The following ADAM23 variants were observed in gnomAD, a reference collection of about 807,000 sequenced individuals.
ADAM23 encodes ADAM metallopeptidase domain 23, also known as disintegrin and metalloproteinase domain-containing protein 23.
Under a neutral mutation model 120.1 loss-of-function variants are expected in ADAM23, and 33 were observed. That is an observed-to-expected ratio of 0.27 (90% CI 0.21 to 0.37). The LOEUF is 0.37. Ranked by LOEUF, ADAM23 falls within the 10% of genes least tolerant of loss-of-function variation. The pLI is 1.00. For missense variants in ADAM23, 862 were observed against 1,058.2 expected, an observed-to-expected ratio of 0.81 and a Z score of 2.57; for synonymous variants, 367 against 375.2, an observed-to-expected ratio of 0.98 and a Z score of 0.25.
At chr2:206,599,556 G>T (rs951377144) in intron 24 of ADAM23, among the ~76,000 whole-genome samples, 2 of 152,078 alleles carry the variant, frequency 1.3e-5, no homozygotes, top group African/African-American at 4.8e-5. Flanking sequence ...TTAAAACTCT[G>T]TTGTAGATTT....
chr2:206,527,030 T>C (rs759820655), intron 3 of ADAM23, among the ~76,000 whole-genome samples: 1 of 152,180 alleles, frequency 6.6e-6, no homozygotes, highest in Non-Finnish European at 1.5e-5. Flanking sequence ...CTTATAAAGG[T>C]CACTCCTCTT....
intron 25 of ADAM23, among the ~76,000 whole-genome samples, chr2:206,614,021 G>A (rs573531331): frequency 6.6e-5 from 10 of 152,142 alleles, no homozygotes; most frequent in Admixed American, 1.3e-4. Flanking sequence ...CAGTGATACC[G>A]TAACACCTCA....
chr2:206,542,359 G>A (rs572317601), intron 5 of ADAM23, among the ~76,000 whole-genome samples: 2 of 152,306 alleles, frequency 1.3e-5, no homozygotes, highest in Admixed American at 6.5e-5. Context: ...TCACCATTGT[G>A]TTAAGAGCTG....
intron 3 of ADAM23, among the ~76,000 whole-genome samples, chr2:206,490,556 G>A (rs1317685800): frequency 6.6e-6 from 1 of 152,174 alleles, no homozygotes; most frequent in Non-Finnish European, 1.5e-5. Context: ...TTAAGAGGCA[G>A]GTATCCCCAA....
intron 1 of ADAM23, among the ~76,000 whole-genome samples, chr2:206,444,419 G>A (rs561828616): frequency 2.0e-5 from 3 of 152,196 alleles, no homozygotes; most frequent in Non-Finnish European, 4.4e-5. Flanking sequence ...TGCTACTTGC[G>A]TGGTGGAACC....
chr2:206,599,921 G>A (rs1246936270), intron 24 of ADAM23, among the ~76,000 whole-genome samples: 1 of 152,196 alleles, frequency 6.6e-6, no homozygotes, highest in African/African-American at 2.4e-5. Context: ...GCATGTTGTG[G>A]CCGGGCACGG....
chr2:206,495,305 G>T (rs1696216865), intron 3 of ADAM23, among the ~76,000 whole-genome samples: 1 of 151,722 alleles, frequency 6.6e-6, no homozygotes, highest in Non-Finnish European at 1.5e-5. Flanking sequence ...TGATCTCTCG[G>T]CAGAAACTCT....
rs1157566210 is a variant in ADAM23 at position 206,541,920 on chromosome 2, GAGGAGTTTCT to G, written c.574-128_574-119del. On this transcript the variant is annotated intron_variant, in intron 4 of 25. Transcript: ENST00000264377. ...TAGTCTTATTTGCAACTTTATATAG[GAGGAGTTTCT>G]AGGGTTATTAATACAGTGCACATAT... is the stretch of plus-strand genomic sequence containing the variant. 4 of 846,330 alleles carry G rather than the reference GAGGAGTTTCT, an allele frequency of 4.7e-6. 1 individual carries two copies. In the Admixed American group the frequency reaches 7.4e-5, roughly 16 times the overall value. The allele number at this position is 846,330 out of a possible 1,614,324, so 52.4% of individuals were successfully genotyped here.
At chr2:206,605,166 C>A (rs1165199754) in intron 24 of ADAM23, among the ~76,000 whole-genome samples, 1 of 152,142 alleles carries the variant, frequency 6.6e-6, no homozygotes, top group East Asian at 1.9e-4. Context: ...TTCCCAGAGA[C>A]CCTAACTTTC....
At chr2:206,522,602 C>T (rs1441755157) in intron 3 of ADAM23, among the ~76,000 whole-genome samples, 2 of 152,138 alleles carry the variant, frequency 1.3e-5, no homozygotes, top group African/African-American at 4.8e-5. Flanking sequence ...CTTCTGTTCT[C>T]TGCAATTTCT....
chr2:206,554,801 A>G (rs1485456840), intron 9 of ADAM23, among the ~76,000 whole-genome samples: 1 of 152,190 alleles, frequency 6.6e-6, no homozygotes, highest in Non-Finnish European at 1.5e-5. Context: ...TACAGTTTCT[A>G]CTAAACCCTA....
intron 18 of ADAM23, 138 bp downstream of exon 18, chr2:206,573,333 T>G (rs777819014): frequency 1.3e-6 from 1 of 799,168 alleles, no homozygotes; most frequent in Non-Finnish European, 2.1e-6. Context: ...TAATGAGATA[T>G]CTTGGGGATG....
intron 4 of ADAM23, 43 bp downstream of exon 4, chr2:206,530,991 T>G: frequency 6.4e-7 from 1 of 1,564,056 alleles, no homozygotes; most frequent in Non-Finnish European, 8.8e-7. Flanking sequence ...ATAAGTGTGC[T>G]TATCATAGAG....
chr2:206,567,516 A>T (rs556906596), intron 15 of ADAM23, among the ~76,000 whole-genome samples, 194 bp downstream of exon 15: 1 of 152,318 alleles, frequency 6.6e-6, no homozygotes, highest in East Asian at 1.9e-4. Flanking sequence ...TAGATTCAGC[A>T]TTCTCAGTCT....
chr2:206,543,043 A>G (rs1016922596), intron 5 of ADAM23, among the ~76,000 whole-genome samples: 2 of 152,192 alleles, frequency 1.3e-5, no homozygotes, highest in African/African-American at 4.8e-5. Context: ...GTATACTTTT[A>G]TAATTTTTAT....
chr2:206,449,771 C>G (rs1476936319), intron 2 of ADAM23, among the ~76,000 whole-genome samples: 1 of 152,064 alleles, frequency 6.6e-6, no homozygotes, highest in Non-Finnish European at 1.5e-5. Context: ...AAAAAACAAA[C>G]AAACAAAAAA....
At position 206,560,122 on chromosome 2, in the gene ADAM23, C is replaced by T. The variant is rs369408305; in HGVS notation, c.1169+4C>T. ...CTGATGCTGTGCACCTCATCTCGTA[C>T]GTACTCATTTCAGCCTTTAGTGTAG... On this transcript the variant is annotated splice_donor_region_variant and intron_variant, in intron 11 of 25. Transcript: ENST00000264377. The T allele has an allele frequency of 1.9e-5, 31 of 1,611,480 alleles. 1 individual carries two copies. The highest frequency in any genetic ancestry group is 1.6e-4 in the Middle Eastern group (1 of 6,074).
intron 3 of ADAM23, among the ~76,000 whole-genome samples, chr2:206,499,747 A>G (rs1696348871): frequency 6.6e-6 from 1 of 152,168 alleles, no homozygotes; most frequent in African/African-American, 2.4e-5. Flanking sequence ...TCATGTCTGA[A>G]TGGAAACATC....
At chr2:206,522,161 CTG>C (rs1696857401) in intron 3 of ADAM23, among the ~76,000 whole-genome samples, 1 of 151,554 alleles carries the variant, frequency 6.6e-6, no homozygotes, top group Non-Finnish European at 1.5e-5. Flanking sequence ...ATATATATCT[CTG>C]TGTACATTAT....
Sources: allele counts gnomAD v4.1 joint callset (sites outside exome capture counted in the v4.1 genomes callset), GRCh38; gene constraint gnomAD v4.1.1; transcripts MANE v1.5; gene names NCBI Gene and HGNC (gene_info 2026-07-23, HGNC 2026-07-21).